The following TNPO1 variants were observed in gnomAD, a reference collection of about 807,000 sequenced individuals.
TNPO1 encodes the protein transportin-1.
TNPO1 carries 8 observed loss-of-function variants against 119.5 expected under a neutral mutation model. The observed-to-expected ratio is 0.07, with a 90% confidence interval of 0.04 to 0.12. The LOEUF (loss-of-function observed/expected upper bound fraction) is 0.12, where lower values mean the gene tolerates loss of function less well. TNPO1 is among the 10% of genes least tolerant of loss of function. The pLI, the probability that TNPO1 is intolerant of heterozygous loss-of-function variation, is 1.00. For missense variants in TNPO1, 576 were observed against 1,089.8 expected (o/e 0.53, Z 6.64); for synonymous variants, 362 against 363.0 (o/e 1.00, Z 0.03).
chr5:72,862,740 G>C (rs1166420550), intron 5 of TNPO1, among the ~76,000 whole-genome samples: 3 of 152,012 alleles, frequency 2.0e-5, no homozygotes, highest in Non-Finnish European at 4.4e-5. Flanking sequence ...CTGCCTCCCA[G>C]AATCAAGTGA....
Position 72,893,167 on chromosome 5 carries a change from A to G in TNPO1, c.1817A>G (p.Gln606Arg). The G allele has an allele frequency of 6.2e-7, 1 of 1,614,122 alleles. No individual in the cohort carries two copies. The change falls in exon 16 of 25, where the codon CAG becomes CGG. Residue 606 changes from glutamine to arginine, a missense_variant. Around this residue, in one of 6 missense-constraint regions of TNPO1, gnomAD observed 23 missense variants for 105.8 expected, o/e 0.22. Transcript: ENST00000337273. ...ECLSSVATAL[Q>R]SGFLPYCEPV... ...CTATCTTCAGTTGCCACAGCACTGCAGTCTGGATTCCTTCCGTACTGTGAA... is the reference window on the plus strand; with the variant it reads ...CTATCTTCAGTTGCCACAGCACTGCGGTCTGGATTCCTTCCGTACTGTGAA...
chr5:72,850,614 T>C (rs1158832733), intron 2 of TNPO1, among the ~76,000 whole-genome samples: 4 of 152,208 alleles, frequency 2.6e-5, no homozygotes, highest in Admixed American at 1.3e-4. Flanking sequence ...CACAGCTGCC[T>C]CCCGACAGCG....
intron 4 of TNPO1, among the ~76,000 whole-genome samples, chr5:72,860,159 G>A (rs1580409368): frequency 6.6e-6 from 1 of 152,170 alleles, no homozygotes; most frequent in East Asian, 1.9e-4. Context: ...CAGAACTAAA[G>A]GTAGAAAATT....
intron 6 of TNPO1, among the ~76,000 whole-genome samples, chr5:72,868,981 C>G (rs1747166338): frequency 6.6e-6 from 1 of 152,032 alleles, no homozygotes; most frequent in African/African-American, 2.4e-5. Context: ...GCAACTCCAG[C>G]ATGGGCAACA....
chr5:72,871,196 A>G (rs968337271), intron 6 of TNPO1, among the ~76,000 whole-genome samples: 8 of 151,960 alleles, frequency 5.3e-5, no homozygotes, highest in African/African-American at 1.2e-4. Context: ...AGGCTGGTCT[A>G]GAACTCCTGA....
At chr5:72,863,869 AAAG>A (rs1215901401) in intron 5 of TNPO1, among the ~76,000 whole-genome samples, 5 of 152,182 alleles carry the variant, frequency 3.3e-5, no homozygotes, top group Non-Finnish European at 7.3e-5. Context: ...TAATAACATA[AAAG>A]AAGATCAAAA....
intron 1 of TNPO1, among the ~76,000 whole-genome samples, chr5:72,836,449 C>T (rs1246533328): frequency 6.6e-6 from 1 of 152,188 alleles, no homozygotes; most frequent in Non-Finnish European, 1.5e-5. Context: ...TGTGCCACAG[C>T]TAGGGTAGCC....
chr5:72,866,195 C>T (rs912767960), intron 6 of TNPO1, among the ~76,000 whole-genome samples: 3 of 152,192 alleles, frequency 2.0e-5, no homozygotes, highest in Non-Finnish European at 4.4e-5. Flanking sequence ...GTTTGGCCCT[C>T]TCCCTCCCTC....
Position 72,887,002 on chromosome 5 carries a change from A to G in TNPO1, c.1151-68A>G, listed in dbSNP as rs1748701691. On this transcript the variant is annotated intron_variant, in intron 11 of 24. Transcript: ENST00000337273. ...ATTAGAGATACGAATAAAATGTTACATATACAATAAATAATATATAAGTAA... is the reference window on the plus strand; with the variant it reads ...ATTAGAGATACGAATAAAATGTTACGTATACAATAAATAATATATAAGTAA... 8 of 1,366,716 alleles carry G rather than the reference A, an allele frequency of 5.9e-6. No homozygotes were observed. In the East Asian group the frequency reaches 1.6e-4, roughly 27 times the overall value. The allele number at this position is 1,366,716 out of a possible 1,614,324, so 84.7% of individuals were successfully genotyped here. A position where few individuals can be genotyped will look rare whatever the true frequency, so the allele number is the denominator to read the frequency against.
At chr5:72,867,652 A>G (rs1174929094) in intron 6 of TNPO1, among the ~76,000 whole-genome samples, 4 of 152,244 alleles carry the variant, frequency 2.6e-5, no homozygotes, top group African/African-American at 7.2e-5. Context: ...ACAACAGTCT[A>G]CATCTAAGTC....
chr5:72,879,112 G>C, intron 9 of TNPO1: 1 of 215,204 alleles, frequency 4.6e-6, no homozygotes, highest in Non-Finnish European at 9.8e-6. Flanking sequence ...AACAAGAGCT[G>C]TGTGTTTCCT....
chr5:72,827,683 A>G (rs999820970), intron 1 of TNPO1, among the ~76,000 whole-genome samples: 1 of 152,110 alleles, frequency 6.6e-6, no homozygotes, highest in Admixed American at 6.5e-5. Flanking sequence ...GGAGATTGGA[A>G]TGGGTTGGAG....
chr5:72,884,550 C>T (rs266443), intron 11 of TNPO1, among the ~76,000 whole-genome samples: 124,844 of 152,108 alleles, frequency 0.82, 51,508 homozygotes, highest in Non-Finnish European at 0.86. Context: ...AAATATGCTT[C>T]TTAAAATATG....
chr5:72,898,236 A>G (rs906815847), intron 20 of TNPO1, among the ~76,000 whole-genome samples: 43 of 152,146 alleles, frequency 2.8e-4, no homozygotes. Context: ...TGTGGAACCT[A>G]AAGAAACTTC....
intron 6 of TNPO1, among the ~76,000 whole-genome samples, chr5:72,866,144 G>A (rs1434057322): frequency 6.6e-6 from 1 of 152,182 alleles, no homozygotes; most frequent in Non-Finnish European, 1.5e-5. Flanking sequence ...GAGTACAAAT[G>A]AATCCATCAC....
At chr5:72,872,014 A>C (rs1747442028) in intron 6 of TNPO1, 1 of 152,192 alleles carries the variant, frequency 6.6e-6, no homozygotes, top group Non-Finnish European at 1.5e-5. Flanking sequence ...AAAGTAGATT[A>C]AGTTTTATTG....
intron 5 of TNPO1, among the ~76,000 whole-genome samples, chr5:72,863,227 T>A (rs572649705): frequency 6.6e-6 from 1 of 152,168 alleles, no homozygotes; most frequent in African/African-American, 2.4e-5. Flanking sequence ...CATCGACTCC[T>A]ATACCTCTCA....
At chr5:72,847,009 A>C (rs1340477125) in intron 1 of TNPO1, among the ~76,000 whole-genome samples, 1 of 152,238 alleles carries the variant, frequency 6.6e-6, no homozygotes, top group Non-Finnish European at 1.5e-5. Context: ...CAGTATTAAT[A>C]CATTTTATGT....
rs1307392423 is a variant in TNPO1 at position 72,892,004 on chromosome 5, CGGA to C, written c.1788+112_1788+114del. The C allele has an allele frequency of 8.1e-5, 64 of 792,254 alleles. No homozygotes were observed. The East Asian group carries it at 1.5e-3, about 19-fold the overall frequency. 49.1% of individuals were successfully genotyped at this position (792,254 alleles called of 1,614,324 possible). ...TAATAAATTTATATTCTGAAGTAGA[CGGA>C]GGAAATTATATGATACATACTGTTC... On this transcript the variant is annotated intron_variant, in intron 15 of 24. Transcript: ENST00000337273.
Sources: allele counts gnomAD v4.1 joint callset (sites outside exome capture counted in the v4.1 genomes callset), GRCh38; gene constraint gnomAD v4.1.1; regional missense constraint gnomAD v4.1.1; transcripts MANE v1.5; gene names NCBI Gene and HGNC (gene_info 2026-07-23, HGNC 2026-07-21).